Variants in EHMT1 observed in about 807,000 individuals in gnomAD.
The protein encoded by EHMT1 is histone-lysine N-methyltransferase EHMT1.
Under a neutral mutation model 147.2 loss-of-function variants are expected in EHMT1, and 15 were observed. The ratio of observed to expected loss-of-function variants is 0.10; its 90% CI spans 0.07 to 0.16. The LOEUF is 0.16. Ranked by LOEUF, EHMT1 falls within the 10% of genes least tolerant of loss-of-function variation. The pLI is 1.00. For synonymous variants in EHMT1, 795 were observed against 709.6 expected, an observed-to-expected ratio of 1.12 and a Z score of -1.91; for missense variants, 1,587 against 1,772.4, an observed-to-expected ratio of 0.90 and a Z score of 1.88.
intron 10 of EHMT1, among the ~76,000 whole-genome samples, chr9:137,772,594 C>T (rs979996559): frequency 1.5e-4 from 23 of 152,216 alleles, no homozygotes; most frequent in Admixed American, 1.3e-4. Flanking sequence ...TCTGCCGGTG[C>T]GGACCCACCT....
At chr9:137,744,991 C>T (rs749331675) in intron 6 of EHMT1, among the ~76,000 whole-genome samples, 14 of 152,208 alleles carry the variant, frequency 9.2e-5, no homozygotes, top group African/African-American at 1.2e-4. Flanking sequence ...TTCATAAGGA[C>T]GAACAGTGGA....
chr9:137,765,125 T>C lies in EHMT1; in HGVS notation c.1647+2305T>C, dbSNP rs182353594. The stretch of plus-strand genomic sequence containing the variant: ...CCTTGGTGACCACTGCCTGCATCCA[T>C]TGTTTCATTCAAAGTTTCAAAATGG... On this transcript the variant is annotated intron_variant, in intron 10 of 26. Transcript: ENST00000460843. 2.2e-4 allele frequency among the ~76,000 whole-genome samples: 33 copies of C among 152,362 alleles called. No homozygotes were observed. The East Asian group carries it at 6.2e-3, about 28-fold the overall frequency.
At chr9:137,748,694 T>C (rs1948745392) in intron 6 of EHMT1, among the ~76,000 whole-genome samples, 1 of 152,258 alleles carries the variant, frequency 6.6e-6, no homozygotes, top group Non-Finnish European at 1.5e-5. Flanking sequence ...TTTCATGATT[T>C]ATGAGAAGGT....
intron 1 of EHMT1, chr9:137,646,434 G>A: frequency 3.0e-6 from 3 of 985,514 alleles, no homozygotes; most frequent in Non-Finnish European, 3.6e-6. Context: ...ACAATGGGCT[G>A]GAAAGTAAGA....
chr9:137,782,573 T>G lies in EHMT1; in HGVS notation c.2382+176T>G, dbSNP rs1588684364. Among the ~76,000 whole-genome samples, 1 of 152,214 alleles carries G rather than the reference T, an allele frequency of 6.6e-6. No homozygotes were observed. The highest frequency in any genetic ancestry group is 2.4e-5 in the African/African-American group (1 of 41,456). ...CTGCAGGTGGATCAGTGCTTCCCGC[T>G]GTTTCTTCCGGCATTTACCACGGCC... On this transcript the variant is annotated intron_variant, in intron 15 of 26. Coordinates refer to ENST00000460843, the MANE Select transcript of EHMT1 (RefSeq NM_024757.5). This position sits in a 1 kb window ranked among gnomAD's most constrained non-coding sequence, Gnocchi z 5.7.
At chr9:137,784,476 T>C (rs1229416443) in intron 15 of EHMT1, 3 of 1,055,968 alleles carry the variant, frequency 2.8e-6, no homozygotes, top group Non-Finnish European at 3.5e-6. Context: ...CCGTTTCTCT[T>C]CTCTCTGGAA....
intron 1 of EHMT1, among the ~76,000 whole-genome samples, chr9:137,620,827 C>T (rs1290343951): frequency 6.6e-6 from 1 of 152,224 alleles, no homozygotes; most frequent in African/African-American, 2.4e-5. Flanking sequence ...CCAGATGTCT[C>T]TGGTTCCATA....
chr9:137,720,187 G>A (rs573004740), intron 3 of EHMT1, among the ~76,000 whole-genome samples: 4 of 147,066 alleles, frequency 2.7e-5, no homozygotes, highest in Non-Finnish European at 3.0e-5. Flanking sequence ...TCACACCAGG[G>A]CACAGTCGAG....
rs553693485 is a variant in EHMT1 at position 137,813,202 on chromosome 9, G to A, written c.3035+29G>A. On this transcript the variant is annotated intron_variant, in intron 20 of 26. Transcript: ENST00000460843. This position sits in a 1 kb window ranked among gnomAD's most constrained non-coding sequence, Gnocchi z 4.9. ...AGCCCAGCCCCAGGACGGCTTTGTG[G>A]CAAATCAGCGGTCAGCAGGGCTTTG... 13 of 1,603,258 alleles carry A rather than the reference G, an allele frequency of 8.1e-6. No homozygotes were observed. The African/African-American group carries it at 1.7e-4, about 21-fold the overall frequency.
chr9:137,658,432 T>G (rs1192179777), intron 1 of EHMT1, among the ~76,000 whole-genome samples: 2 of 152,136 alleles, frequency 1.3e-5, no homozygotes, highest in Non-Finnish European at 2.9e-5. Flanking sequence ...ATTAGAAGCG[T>G]GAGCCACCGC....
At chr9:137,685,758 A>G (rs1365365018) in intron 1 of EHMT1, among the ~76,000 whole-genome samples, 3 of 152,128 alleles carry the variant, frequency 2.0e-5, no homozygotes, top group Non-Finnish European at 4.4e-5. Context: ...GATTGTAGCT[A>G]TCCTAGTGGG....
chr9:137,705,775 G>T (rs1944215393), intron 1 of EHMT1, among the ~76,000 whole-genome samples: 1 of 152,228 alleles, frequency 6.6e-6, no homozygotes, highest in Non-Finnish European at 1.5e-5. Flanking sequence ...TCTTGTTGCT[G>T]TGAGGTTGGG....
intron 1 of EHMT1, among the ~76,000 whole-genome samples, chr9:137,637,780 T>G (rs1208017530): frequency 6.6e-6 from 1 of 152,258 alleles, no homozygotes; most frequent in Non-Finnish European, 1.5e-5. Flanking sequence ...TTTGGTATAA[T>G]TCACCTGCGA....
At chr9:137,635,432 GTCTTGAACT>G (rs1404659001) in intron 1 of EHMT1, among the ~76,000 whole-genome samples, 1 of 151,372 alleles carries the variant, frequency 6.6e-6, no homozygotes, top group Non-Finnish European at 1.5e-5. Flanking sequence ...GGACAGGCTG[GTCTTGAACT>G]TCTGACCTCG....
chr9:137,791,037 G>C, intron 16 of EHMT1, 67 bp downstream of exon 16: 1 of 1,613,420 alleles, frequency 6.2e-7, no homozygotes, highest in Non-Finnish European at 8.5e-7. Flanking sequence ...GCTGAGCAAG[G>C]GACATCCTTA....
At chr9:137,619,749 C>T (rs144670238) in intron 1 of EHMT1, among the ~76,000 whole-genome samples, 1 of 152,034 alleles carries the variant, frequency 6.6e-6, no homozygotes, top group African/African-American at 2.4e-5. Context: ...CTCGGCCTTC[C>T]CCGTGCTCAT....
rs77765557 is a variant in EHMT1 at position 137,758,315 on chromosome 9, C to T, written c.1501+304C>T. On this transcript the variant is annotated intron_variant, in intron 9 of 26. Coordinates refer to ENST00000460843, the MANE Select transcript of EHMT1 (RefSeq NM_024757.5). ...CCGTGGAGGATTGCCCACGGCCAGA[C>T]GCCCTCCCTGGTGGCATCTCAGGAC... Among the ~76,000 whole-genome samples, 7,668 of 152,316 alleles carry T rather than the reference C, an allele frequency of 0.05. 620 individuals are homozygous for T. The highest frequency in any genetic ancestry group is 0.17 in the African/African-American group (6,923 of 41,538).
chr9:137,782,011 A>G lies in EHMT1; in HGVS notation c.2276-280A>G, dbSNP rs1951596279. Among the ~76,000 whole-genome samples the G allele has an allele frequency of 6.6e-6, 1 of 152,154 alleles. No homozygotes were observed. Among genetic ancestry groups the G allele is most frequent in the South Asian group, 2.1e-4 (1 of 4,826 alleles). On this transcript the variant is annotated intron_variant, in intron 14 of 26. Transcript: ENST00000460843. The surrounding 1 kb of genome is among the most constrained non-coding windows in gnomAD (Gnocchi z 5.7). ...GGCCATGGCCAGGCCACACAGAAACACAGAAGGAACCTCAGAGTTAGAGCA... is the reference window on the plus strand; with the variant it reads ...GGCCATGGCCAGGCCACACAGAAACGCAGAAGGAACCTCAGAGTTAGAGCA...
rs546988929 is a variant in EHMT1, at chr9:137,773,460, C to T, written c.1648-1649C>T. ...TTCTAATGCAGCCTCATTTGGGCAT[C>T]GAGAAGTCTCTTGCTGGCTTCAGGG... On this transcript the variant is annotated intron_variant, in intron 10 of 26. Coordinates refer to ENST00000460843, the MANE Select transcript of EHMT1 (RefSeq NM_024757.5). Among the ~76,000 whole-genome samples the T allele has an allele frequency of 8.6e-5, 13 of 150,856 alleles. No individual in the cohort carries two copies. In the East Asian group the frequency reaches 1.6e-3, roughly 18 times the overall value.
Sources: gnomAD v4.1 joint callset for allele counts (sites outside exome capture counted in the v4.1 genomes callset) on GRCh38, gnomAD v4.1.1 for gene constraint, Gnocchi (gnomAD v3.1) non-coding constraint, MANE v1.5 for transcripts, NCBI Gene and HGNC (gene_info 2026-07-23, HGNC 2026-07-21) for gene names.